The following TBC1D2 variants were observed in gnomAD, a reference collection of about 807,000 sequenced individuals.
TBC1D2 encodes the protein TBC1 domain family member 2A.
TBC1D2 carries 58 observed loss-of-function variants against 91.1 expected under a neutral mutation model. The ratio of observed to expected loss-of-function variants is 0.64; its 90% CI spans 0.52 to 0.79. TBC1D2 has a LOEUF of 0.79. TBC1D2 is among the 30% of genes least tolerant of loss of function. The pLI, the probability that TBC1D2 is intolerant of heterozygous loss-of-function variation, is 0.00. For missense variants in TBC1D2, 1,080 were observed against 1,208.3 expected (o/e 0.89, Z 1.57); for synonymous variants, 482 against 511.5 (o/e 0.94, Z 0.78).
chr9:98,235,390 A>T (rs1321834273), intron 3 of TBC1D2: 2 of 472,866 alleles, frequency 4.2e-6, no homozygotes, highest in Admixed American at 5.2e-5. Context: ...CAGTGCTAGT[A>T]CTTGGAAGCA....
At chr9:98,232,614 A>G (rs73488720) in intron 4 of TBC1D2, among the ~76,000 whole-genome samples, 29,841 of 151,922 alleles carry the variant, frequency 0.2, 6,852 homozygotes, top group African/African-American at 0.56. Context: ...CACCATGCCC[A>G]GCCTCTTCTT....
Position 98,235,264 on chromosome 9 carries a change from A to G in TBC1D2, c.648-1715T>C, listed in dbSNP as rs542933688. On this transcript the variant is annotated intron_variant, in intron 3 of 12. Coordinates refer to ENST00000465784, the MANE Select transcript of TBC1D2 (RefSeq NM_001267571.2). ...CCCAATTTCGGAGCATGTAGGAACT[A>G]TATTGCTTAGGAGTCAACGCTATTG... 1.6e-3 allele frequency: 546 copies of G among 334,706 alleles called. 6 individuals are homozygous for G. The highest frequency in any genetic ancestry group is 5.0e-3 in the Middle Eastern group (12 of 2,402). 20.7% of individuals were successfully genotyped at this position (334,706 alleles called of 1,614,324 possible). A position where few individuals can be genotyped will look rare whatever the true frequency, so the allele number is the denominator to read the frequency against.
At chr9:98,232,219 A>G (rs1477477966) in intron 4 of TBC1D2, among the ~76,000 whole-genome samples, 1 of 151,974 alleles carries the variant, frequency 6.6e-6, no homozygotes, top group Non-Finnish European at 1.5e-5. Context: ...TAGTGTTATG[A>G]TGATGGTGAC....
chr9:98,245,112 C>T (rs148844421), intron 2 of TBC1D2, among the ~76,000 whole-genome samples: 46 of 151,964 alleles, frequency 3.0e-4, no homozygotes, highest in African/African-American at 2.7e-4. Flanking sequence ...TGGTTGCAGG[C>T]GCCTGTAGTC....
chr9:98,239,938 A>G (rs1829595590), intron 3 of TBC1D2, among the ~76,000 whole-genome samples: 1 of 152,098 alleles, frequency 6.6e-6, no homozygotes, highest in South Asian at 2.1e-4. Flanking sequence ...TTTTCATCTA[A>G]GTTATCAAAT....
chr9:98,255,114 G>A, intron 1 of TBC1D2, 59 bp downstream of exon 1: 3 of 1,551,314 alleles, frequency 1.9e-6, no homozygotes, highest in Non-Finnish European at 2.6e-6. Context: ...GCCCAGCCTT[G>A]CCCTGCGAAA....
intron 4 of TBC1D2, among the ~76,000 whole-genome samples, chr9:98,231,105 G>A (rs1829357004): frequency 6.6e-6 from 1 of 152,046 alleles, no homozygotes; most frequent in South Asian, 2.1e-4. Flanking sequence ...CTGAGGACAG[G>A]CAGGGCAGGC....
rs202107544 is a variant in TBC1D2 at position 98,200,380 on chromosome 9, G to C, written c.2458-6C>G. ...AAGGCATAGCGAAACACCACCTGGG[G>C]GTAGAGTGGGGGCTCAGGTAGGGCA... is the stretch of plus-strand genomic sequence containing the variant. On this transcript the variant is annotated splice_region_variant and splice_polypyrimidine_tract_variant and intron_variant, in intron 11 of 12. Transcript: ENST00000465784. 2 of 1,596,232 alleles carry C rather than the reference G, an allele frequency of 1.3e-6. No individual in the cohort carries two copies. The highest frequency in any genetic ancestry group is 2.3e-5 in the South Asian group (2 of 88,504).
chr9:98,240,414 T>C (rs1331268786), intron 3 of TBC1D2, among the ~76,000 whole-genome samples: 4 of 152,184 alleles, frequency 2.6e-5, no homozygotes, highest in Non-Finnish European at 2.9e-5. Context: ...TTCCCAGTCT[T>C]GCCTTCCCCA....
At chr9:98,235,557 C>A in intron 3 of TBC1D2, 1 of 455,982 alleles carries the variant, frequency 2.2e-6, no homozygotes, top group Non-Finnish European at 4.3e-6. Context: ...CATTCAAAAT[C>A]TAGAAGCTGA....
chr9:98,216,791 ACCTCCTGGGCTCAAGTGAT>A (rs1364934756), intron 6 of TBC1D2, among the ~76,000 whole-genome samples: 2 of 151,952 alleles, frequency 1.3e-5, no homozygotes, highest in Non-Finnish European at 2.9e-5. Flanking sequence ...TGCACTCTTG[ACCTCCTGGGCTCAAGTGAT>A]CCTCCTGTCT....
intron 4 of TBC1D2, chr9:98,229,349 T>C: frequency 1.8e-6 from 1 of 568,494 alleles, no homozygotes; most frequent in East Asian, 3.0e-5. Flanking sequence ...TGACACAGCT[T>C]GTCCAGGGGT....
At chr9:98,240,020 T>G (rs1302675811) in intron 3 of TBC1D2, among the ~76,000 whole-genome samples, 2 of 152,192 alleles carry the variant, frequency 1.3e-5, no homozygotes, top group African/African-American at 2.4e-5. Context: ...GTAGCAATGC[T>G]CTCTTTTGTT....
intron 7 of TBC1D2, 34 bp downstream of exon 7, chr9:98,213,074 A>T (rs1828887997): frequency 6.2e-7 from 1 of 1,611,466 alleles, no homozygotes; most frequent in African/African-American, 1.3e-5. Context: ...GGGGCCAGGG[A>T]TGGAGACGGC....
chr9:98,208,831 C>T lies in TBC1D2; in HGVS notation c.1987G>A (p.Glu663Lys), dbSNP rs759033969. 71 of 1,607,506 alleles carry T rather than the reference C, an allele frequency of 4.4e-5. No individual in the cohort carries two copies. In the South Asian group the frequency reaches 6.3e-4, roughly 14 times the overall value. The change falls in exon 9 of 13, where the codon GAG becomes AAG. Residue 663 changes from glutamate to lysine, a missense_variant. By Grantham distance (56) the Glu-to-Lys change is moderately conservative. Transcript: ENST00000465784. ...QELLSRGQAR[E>K]HPAARQIELD... ...TCAATCTGGCGGGCAGCAGGGTGCT[C>T]GCGGGCCTGGCCCCGGCTCAGCAGT...
intron 9 of TBC1D2, among the ~76,000 whole-genome samples, chr9:98,208,231 C>T (rs2119017835): frequency 6.6e-6 from 1 of 152,182 alleles, no homozygotes; most frequent in East Asian, 1.9e-4. Flanking sequence ...GGGTGGGGAA[C>T]CTAGGCTCAT....
intron 2 of TBC1D2, among the ~76,000 whole-genome samples, chr9:98,251,122 T>C (rs563606851): frequency 2.2e-4 from 33 of 152,042 alleles, no homozygotes; most frequent in Non-Finnish European, 4.3e-4. Context: ...CCATCTCTAC[T>C]AAAAATACAA....
chr9:98,222,688 G>C (rs1829129034), intron 5 of TBC1D2, among the ~76,000 whole-genome samples: 1 of 152,200 alleles, frequency 6.6e-6, no homozygotes, highest in African/African-American at 2.4e-5. Context: ...ATACCAGGTA[G>C]GTATGACTTT....
Position 98,209,067 on chromosome 9 carries a change from G to T in TBC1D2, c.1751C>A (p.Ala584Glu). ...EDLKLLAKIQ[A>E]LESRSHHLLG... Reference sequence around the variant, plus strand: ...CAGGTGGTGGGATCGTGACTCCAATGCCTGGATCTTGGCCAGCAGCTTCAG... The same window carrying T: ...CAGGTGGTGGGATCGTGACTCCAATTCCTGGATCTTGGCCAGCAGCTTCAG... Residue 584 changes from alanine to glutamate, a missense_variant, in exon 9 of 13, where the codon GCA (alanine) becomes GAA (glutamate). Coordinates refer to ENST00000465784, the MANE Select transcript of TBC1D2 (RefSeq NM_001267571.2). 1.9e-6 allele frequency: 3 copies of T among 1,614,146 alleles called. No individual in the cohort carries two copies. The highest frequency in any genetic ancestry group is 2.5e-6 in the Non-Finnish European group (3 of 1,180,020).
Sources: gnomAD v4.1 joint callset for allele counts (sites outside exome capture counted in the v4.1 genomes callset) on GRCh38, gnomAD v4.1.1 for gene constraint, MANE v1.5 for transcripts, NCBI Gene and HGNC (gene_info 2026-07-23, HGNC 2026-07-21) for gene names.